TBC1D8B: variants seen among roughly 807,000 people sequenced by gnomAD.
TBC1D8B encodes RP11-321G1.1.
A neutral mutation model predicts 82.9 loss-of-function variants in TBC1D8B; 75 were observed. That is an observed-to-expected ratio of 0.90 (90% CI 0.75 to 1.10). The LOEUF (loss-of-function observed/expected upper bound fraction) is 1.10. Ranked by LOEUF, TBC1D8B falls within the 50% of genes least tolerant of loss-of-function variation. The probability of loss-of-function intolerance (pLI) is 0.00; values close to 1 mark genes in which losing one functional copy is unlikely to be tolerated. For synonymous variants in TBC1D8B, 276 were observed against 276.8 expected (o/e 1.00, Z 0.03); for missense variants, 794 against 796.9 (o/e 1.00, Z 0.04).
At chrX:106,864,111 G>T (rs1450802493) in intron 14 of TBC1D8B, among the ~76,000 whole-genome samples, 1 of 111,325 alleles carries the variant, frequency 9.0e-6, no homozygotes, top group African/African-American at 3.3e-5. Flanking sequence ...GGCTTGTAGA[G>T]GTCCCCTTGG....
In TBC1D8B at chrX:106,828,083, A is replaced by G. The variant is rs777410918; in HGVS notation, c.1203+746A>G. 9.8e-4 allele frequency: 110 copies of G among 111,697 alleles called. 2 individuals are homozygous for G. The highest frequency in any genetic ancestry group is 3.4e-3 in the African/African-American group (106 of 30,752). 9.2% of individuals were successfully genotyped at this position (111,697 alleles called of 1,213,427 possible). Reference sequence around the variant, plus strand: ...AAAAAAAGAGAGAAGAATCAAATACACGCAATAAAAAATGATAAAGGGGAT... The same window carrying G: ...AAAAAAAGAGAGAAGAATCAAATACGCGCAATAAAAAATGATAAAGGGGAT... On this transcript the variant is annotated intron_variant, in intron 7 of 20. Transcript: ENST00000357242.
chrX:106,849,060 A>T (rs756355854), intron 11 of TBC1D8B, among the ~76,000 whole-genome samples: 1 of 108,407 alleles, frequency 9.2e-6, no homozygotes, highest in South Asian at 4.1e-4. Context: ...TACAGGTGTG[A>T]GCCACCGCGC....
At chrX:106,830,974 A>G (rs1932032004) in intron 7 of TBC1D8B, among the ~76,000 whole-genome samples, 1 of 109,522 alleles carries the variant, frequency 9.1e-6, no homozygotes, top group Non-Finnish European at 1.9e-5. Flanking sequence ...AAATAAATAA[A>G]TAAATAAAAT....
In TBC1D8B at chrX:106,862,710, C is replaced by G. The variant is rs773970747; in HGVS notation, c.2353-2849C>G. ...GCCAGAGTTCTTGTGCTGGTTCTTT[C>G]TCATCTGCGTGAGCTGATATTCCTT... On this transcript the variant is annotated intron_variant, in intron 14 of 20. Transcript: ENST00000357242. Among the ~76,000 whole-genome samples, 9 of 100,835 alleles carry G rather than the reference C, an allele frequency of 8.9e-5. No individual in the cohort carries two copies. The South Asian group carries it at 4.1e-3, about 46-fold the overall frequency. 87.6% of individuals were successfully genotyped at this position (100,835 alleles called of 115,157 possible).
In TBC1D8B at chrX:106,873,948, T is replaced by A; in HGVS notation, c.3346T>A (p.Ser1116Thr). ...LENARISQLR[S>T]RTKM Reference sequence around the variant, plus strand: ...AAATGCAAGAATTTCTCAGTTAAGGTCTAGAACCAAGATGTAAATCCCTAG... The same window carrying A: ...AAATGCAAGAATTTCTCAGTTAAGGACTAGAACCAAGATGTAAATCCCTAG... Residue 1116 changes from serine to threonine, a missense_variant, in exon 21 of 21, where the codon TCT becomes ACT. Physicochemically the swap from Ser to Thr is moderately conservative, Grantham distance 58 (BLOSUM62 1). Coordinates refer to ENST00000357242, the MANE Select transcript of TBC1D8B (RefSeq NM_017752.3). 1 of 1,187,558 alleles carries A rather than the reference T, an allele frequency of 8.4e-7. No individual in the cohort carries two copies. Among genetic ancestry groups the A allele is most frequent in the Non-Finnish European group, 1.1e-6 (1 of 884,914 alleles).
chrX:106,855,197 G>T (rs975904131), intron 14 of TBC1D8B, among the ~76,000 whole-genome samples: 1 of 112,202 alleles, frequency 8.9e-6, no homozygotes, highest in African/African-American at 3.2e-5. Flanking sequence ...TAATGTTTCT[G>T]AAGATTCCAG....
intron 14 of TBC1D8B, among the ~76,000 whole-genome samples, chrX:106,859,785 A>G (rs1257791889): frequency 9.0e-6 from 1 of 111,680 alleles, no homozygotes; most frequent in African/African-American, 3.3e-5. Context: ...CTCAAGGGGA[A>G]TGCTTCCAGC....
chrX:106,876,130 A>T lies in TBC1D8B; in HGVS notation c.*2165A>T, dbSNP rs1228240005. 9.0e-6 allele frequency: 1 copy of T among 111,285 alleles called. No individual in the cohort carries two copies. The highest frequency in any genetic ancestry group is 1.9e-5 in the Non-Finnish European group (1 of 53,021). 9.2% of individuals were successfully genotyped at this position (111,285 alleles called of 1,213,427 possible). A position where few individuals can be genotyped will look rare whatever the true frequency, so the allele number is the denominator to read the frequency against. Reference sequence around the variant, plus strand: ...TTTACTTGTCTTTATAAAAATAAATATATCTACTAAACATGAAAAATGGTT... The same window carrying T: ...TTTACTTGTCTTTATAAAAATAAATTTATCTACTAAACATGAAAAATGGTT... On this transcript the variant is annotated 3_prime_UTR_variant, in exon 21 of 21. Transcript: ENST00000357242.
At chrX:106,861,316 G>C (rs1932773028) in intron 14 of TBC1D8B, among the ~76,000 whole-genome samples, 1 of 111,592 alleles carries the variant, frequency 9.0e-6, no homozygotes, top group South Asian at 3.8e-4. Context: ...AATACTGTCA[G>C]TGGGGTGTTG....
chrX:106,876,067 A>C lies in TBC1D8B; in HGVS notation c.*2102A>C, dbSNP rs1932886514. ...TTGTGTTAAACTGAACCAGTTCATT[A>C]TACCTTATGCATTAAATTAAATATG... On this transcript the variant is annotated 3_prime_UTR_variant, in exon 21 of 21. Transcript: ENST00000357242. The C allele has an allele frequency of 1.8e-5, 2 of 111,831 alleles. No individual in the cohort carries two copies. Among genetic ancestry groups the C allele is most frequent in the Admixed American group, 1.9e-4 (2 of 10,509 alleles). The allele number at this position is 111,831 out of a possible 1,213,427, so 9.2% of individuals were successfully genotyped here.
chrX:106,869,395 T>C (rs892159221), intron 18 of TBC1D8B, 90 bp from the exon 19 acceptor site: 2 of 723,559 alleles, frequency 2.8e-6, no homozygotes, highest in Non-Finnish European at 4.0e-6. Flanking sequence ...AATAAAATAA[T>C]GTGCTTATAC....
intron 10 of TBC1D8B, among the ~76,000 whole-genome samples, chrX:106,847,793 ATTTC>A (rs773034913): frequency 3.6e-5 from 4 of 111,479 alleles, no homozygotes; most frequent in South Asian, 3.7e-4. Context: ...TCTGAGGGCT[ATTTC>A]TTTATAGGTA....
intron 19 of TBC1D8B, 106 bp from the exon 20 acceptor site, chrX:106,870,610 A>T: frequency 2.1e-6 from 1 of 477,846 alleles, no homozygotes; most frequent in Non-Finnish European, 3.5e-6. Flanking sequence ...AAAAAATGGG[A>T]TCTTATATCT....
intron 17 of TBC1D8B, among the ~76,000 whole-genome samples, chrX:106,867,755 C>T (rs887150360): frequency 1.8e-5 from 2 of 111,464 alleles, no homozygotes; most frequent in African/African-American, 3.3e-5. Flanking sequence ...TCAGGATAGC[C>T]GGGAAACATT....
chrX:106,831,626 T>A (rs1257284788), intron 7 of TBC1D8B, among the ~76,000 whole-genome samples: 1 of 111,975 alleles, frequency 8.9e-6, no homozygotes, highest in Non-Finnish European at 1.9e-5. Context: ...TTCCAAAACC[T>A]GAAGAGCTGT....
chrX:106,856,415 T>A (rs1038723965), intron 14 of TBC1D8B, among the ~76,000 whole-genome samples: 3 of 110,838 alleles, frequency 2.7e-5, no homozygotes, highest in African/African-American at 9.8e-5. Flanking sequence ...TTTCCCTATT[T>A]AAAATTATAT....
intron 7 of TBC1D8B, among the ~76,000 whole-genome samples, chrX:106,834,029 C>G (rs1932109297): frequency 9.0e-6 from 1 of 110,625 alleles, no homozygotes; most frequent in South Asian, 3.9e-4. Flanking sequence ...TTAATTTTTC[C>G]TTTATTGGCT....
At position 106,840,080 on chromosome X, in the gene TBC1D8B, A is replaced by G; in HGVS notation, c.1386A>G (p.Lys462=). The G allele has an allele frequency of 8.3e-7, 1 of 1,208,556 alleles. No homozygotes were observed. Among genetic ancestry groups the G allele is most frequent in the Non-Finnish European group, 1.1e-6 (1 of 894,141 alleles). ...AAAAAATGAAGGAACAGTCATGGAA[A>G]ATACTGTTTGCAGAATGTGGACGTG... The part of the protein sequence containing the change: ...LKEKMKEQSW[K]ILFAECGRGV... Residue 462 remains lysine, a synonymous_variant, in exon 9 of 21, where the codon AAA becomes AAG. Transcript: ENST00000357242.
At chrX:106,829,922 A>G (rs1179771366) in intron 7 of TBC1D8B, 5 of 111,462 alleles carry the variant, frequency 4.5e-5, no homozygotes, top group Non-Finnish European at 9.4e-5. Flanking sequence ...AGCAATGGCA[A>G]CAAAAGCCAA....
Sources: gnomAD v4.1 joint callset for allele counts (sites outside exome capture counted in the v4.1 genomes callset) on GRCh38, gnomAD v4.1.1 for gene constraint, MANE v1.5 for transcripts, NCBI Gene and HGNC (gene_info 2026-07-23, HGNC 2026-07-21) for gene names.